Variants in TAMM41 observed in about 807,000 individuals in gnomAD.
TAMM41 encodes TAM41 mitochondrial translocator assembly and maintenance homolog, also known as phosphatidate cytidylyltransferase, mitochondrial.
Under a neutral mutation model 44.1 loss-of-function variants are expected in TAMM41, and 36 were observed. The observed-to-expected ratio is 0.82, with a 90% CI of 0.63 to 1.08. The LOEUF (loss-of-function observed/expected upper bound fraction) is 1.08, where lower values mean the gene tolerates loss of function less well. Ranked by LOEUF, TAMM41 falls within the 50% of genes least tolerant of loss-of-function variation. TAMM41 has a pLI of 0.00. For synonymous variants in TAMM41, 164 were observed against 153.1 expected, an observed-to-expected ratio of 1.07 and a Z score of -0.53; for missense variants, 417 against 404.3, an observed-to-expected ratio of 1.03 and a Z score of -0.27.
At chr3:11,831,689 A>G (rs2078987765) in intron 3 of TAMM41, among the ~76,000 whole-genome samples, 2 of 152,258 alleles carry the variant, frequency 1.3e-5, no homozygotes, top group Admixed American at 1.3e-4. Flanking sequence ...ATGCTGCAGT[A>G]TTCCAAGGCA....
At chr3:11,793,078 A>G (rs1229799353) in intron 7 of TAMM41, among the ~76,000 whole-genome samples, 12 of 150,276 alleles carry the variant, frequency 8.0e-5, no homozygotes, top group Admixed American at 7.9e-4. Flanking sequence ...AAAAAAAAAA[A>G]AAAAAAGAGA....
the TAMM41 span, among the ~76,000 whole-genome samples, chr3:11,760,440 A>G: frequency 6.6e-6 from 1 of 152,160 alleles, no homozygotes; most frequent in African/African-American, 2.4e-5. Flanking sequence ...TTGTTTTTCT[A>G]ATTTCTTCCA....
the TAMM41 span, among the ~76,000 whole-genome samples, chr3:11,738,249 C>T: frequency 3.9e-5 from 6 of 152,070 alleles, no homozygotes; most frequent in African/African-American, 1.4e-4. Flanking sequence ...GAGCATAAGC[C>T]GTGGAGTTAA....
At chr3:11,768,160 T>C in the TAMM41 span, among the ~76,000 whole-genome samples, 2 of 150,340 alleles carry the variant, frequency 1.3e-5, no homozygotes, top group African/African-American at 4.9e-5. Context: ...TTTTTTGAGA[T>C]GGGGTTTCAT....
At chr3:11,750,581 A>G in the TAMM41 span, among the ~76,000 whole-genome samples, 1 of 152,078 alleles carries the variant, frequency 6.6e-6, no homozygotes, top group Non-Finnish European at 1.5e-5. Flanking sequence ...AAACTCTGGG[A>G]TTACAGGTGT....
downstream of TAMM41, chr3:11,790,397 AG>A: frequency 2.9e-6 from 3 of 1,039,210 alleles, no homozygotes; most frequent in Non-Finnish European, 2.9e-6. Flanking sequence ...TATGCAAACC[AG>A]GGTATCTTTG....
the TAMM41 span, among the ~76,000 whole-genome samples, chr3:11,751,954 C>T: frequency 6.6e-6 from 1 of 152,154 alleles, no homozygotes; most frequent in African/African-American, 2.4e-5. Flanking sequence ...CTAGGAACCA[C>T]TAGGCTTCTG....
rs139669132 is a variant in TAMM41, at chr3:11,807,214, T to C, written c.937+619A>G. The C allele has an allele frequency of 6.1e-4, 872 of 1,423,614 alleles. 5 individuals carry two copies. The highest frequency in any genetic ancestry group is 7.0e-4 in the Non-Finnish European group (769 of 1,096,912). The allele number at this position is 1,423,614 out of a possible 1,614,324, so 88.2% of individuals were successfully genotyped here. On this transcript the variant is annotated intron_variant, in intron 7 of 7. Transcript: ENST00000455809. Reference sequence around the variant, plus strand: ...AACATTATGCAGGGAAGGAAAGGTGTACTCTGTGGCTCACCATACCATCAA... The same window carrying C: ...AACATTATGCAGGGAAGGAAAGGTGCACTCTGTGGCTCACCATACCATCAA...
chr3:11,817,411 C>T (rs1361238008), intron 4 of TAMM41, 74 bp from the exon 5 acceptor site: 2 of 1,476,476 alleles, frequency 1.4e-6, no homozygotes, highest in Non-Finnish European at 1.8e-6. Context: ...ACGCTCCCCA[C>T]ACTGATACCG....
intron 4 of TAMM41, among the ~76,000 whole-genome samples, chr3:11,819,666 C>T (rs1220177891): frequency 1.3e-5 from 2 of 151,632 alleles, no homozygotes; most frequent in Non-Finnish European, 1.5e-5. Context: ...AGGCCAAGGC[C>T]GGGGGAATGT....
chr3:11,829,235 T>C (rs777827601), intron 4 of TAMM41, among the ~76,000 whole-genome samples: 1 of 152,102 alleles, frequency 6.6e-6, no homozygotes, highest in African/African-American at 2.4e-5. Flanking sequence ...TTTCTAAAAA[T>C]AAAAATTATT....
chr3:11,792,927 G>A (rs1429459591), intron 7 of TAMM41, among the ~76,000 whole-genome samples: 1 of 152,038 alleles, frequency 6.6e-6, no homozygotes, highest in Admixed American at 6.5e-5. Context: ...CAGGCGTGGT[G>A]GCATGTGCCT....
chr3:11,789,701 G>T (rs893602405), downstream of TAMM41, among the ~76,000 whole-genome samples: 1 of 152,208 alleles, frequency 6.6e-6, no homozygotes, highest in Non-Finnish European at 1.5e-5. Flanking sequence ...GCTAGGGGCT[G>T]TTGGGAAGGT....
chr3:11,759,311 G>GA, the TAMM41 span, among the ~76,000 whole-genome samples: 1 of 151,886 alleles, frequency 6.6e-6, no homozygotes, highest in Non-Finnish European at 1.5e-5. Flanking sequence ...ATTCTTTCAG[G>GA]AAACACCTAG....
the TAMM41 span, among the ~76,000 whole-genome samples, chr3:11,764,429 C>T: frequency 6.6e-6 from 1 of 151,260 alleles, no homozygotes; most frequent in African/African-American, 2.4e-5. Flanking sequence ...TCCCGAAGGC[C>T]ACACAACCTG....
At chr3:11,730,538 G>T in the TAMM41 span, among the ~76,000 whole-genome samples, 3 of 152,080 alleles carry the variant, frequency 2.0e-5, no homozygotes, top group Admixed American at 2.0e-4. Flanking sequence ...TTCAAGACCA[G>T]CCTGGCCAGC....
chr3:11,770,474 G>T, the TAMM41 span, among the ~76,000 whole-genome samples: 1 of 152,166 alleles, frequency 6.6e-6, no homozygotes, highest in Non-Finnish European at 1.5e-5. Flanking sequence ...GTAGTAATGA[G>T]GTCGACTTGC....
the TAMM41 span, among the ~76,000 whole-genome samples, chr3:11,769,215 G>A: frequency 2.6e-5 from 4 of 152,290 alleles, no homozygotes; most frequent in Non-Finnish European, 5.9e-5. Flanking sequence ...TCAGCCTCCT[G>A]AGTAGCTGGG....
chr3:11,771,674 C>T, the TAMM41 span, among the ~76,000 whole-genome samples: 1 of 152,180 alleles, frequency 6.6e-6, no homozygotes, highest in Non-Finnish European at 1.5e-5. Context: ...CCTCCGCCTC[C>T]CAGGTTCAAG....
Sources: gnomAD v4.1 joint callset for allele counts (sites outside exome capture counted in the v4.1 genomes callset) on GRCh38, gnomAD v4.1.1 for gene constraint, MANE v1.5 for transcripts, NCBI Gene and HGNC (gene_info 2026-07-23, HGNC 2026-07-21) for gene names.